Variants in ARHGEF12 observed in about 807,000 individuals in gnomAD.
ARHGEF12 encodes KMT2A/ARHGEF12 fusion protein.
Under a neutral mutation model 211.2 loss-of-function variants are expected in ARHGEF12, and 66 were observed. That is an observed-to-expected ratio of 0.31 (90% CI 0.26 to 0.38). The LOEUF (loss-of-function observed/expected upper bound fraction) is 0.38, where lower values mean the gene tolerates loss of function less well. Ranked by LOEUF, ARHGEF12 falls within the 10% of genes least tolerant of loss-of-function variation. ARHGEF12 has a pLI of 1.00. For synonymous variants in ARHGEF12, 592 were observed against 638.4 expected, an observed-to-expected ratio of 0.93 and a Z score of 1.09; for missense variants, 1,429 against 1,869.5, an observed-to-expected ratio of 0.76 and a Z score of 4.34.
At chr11:120,385,928 A>T (rs1198559998) in intron 1 of ARHGEF12, among the ~76,000 whole-genome samples, 1 of 152,096 alleles carries the variant, frequency 6.6e-6, no homozygotes, top group Non-Finnish European at 1.5e-5. Flanking sequence ...TTTGATACCC[A>T]AGAGACCATG....
chr11:120,418,506 G>T (rs1196550308), intron 4 of ARHGEF12, among the ~76,000 whole-genome samples: 1 of 152,154 alleles, frequency 6.6e-6, no homozygotes, highest in African/African-American at 2.4e-5. Context: ...TAAAACTGCT[G>T]TGAACATTTG....
chr11:120,423,121 A>C (rs1398077954), intron 6 of ARHGEF12, among the ~76,000 whole-genome samples: 1 of 152,182 alleles, frequency 6.6e-6, no homozygotes, highest in Non-Finnish European at 1.5e-5. Flanking sequence ...CAGTTCCCTA[A>C]AGTAACTGAA....
At chr11:120,352,082 A>C (rs1942996638) in intron 1 of ARHGEF12, among the ~76,000 whole-genome samples, 1 of 152,204 alleles carries the variant, frequency 6.6e-6, no homozygotes, top group South Asian at 2.1e-4. Flanking sequence ...ATACCATTAA[A>C]GAGTTGCCTT....
At chr11:120,392,702 C>T (rs1944257633) in intron 1 of ARHGEF12, among the ~76,000 whole-genome samples, 1 of 152,204 alleles carries the variant, frequency 6.6e-6, no homozygotes, top group South Asian at 2.1e-4. Flanking sequence ...CATCCTCATC[C>T]TAAACTAGTC....
chr11:120,448,166 T>C, intron 19 of ARHGEF12, 68 bp from the exon 20 acceptor site: 2 of 1,190,298 alleles, frequency 1.7e-6, no homozygotes, highest in African/African-American at 1.5e-5. Flanking sequence ...TGGAAATCAT[T>C]TGATGTCTTT....
chr11:120,437,517 CTTAA>C, intron 12 of ARHGEF12, 135 bp downstream of exon 12: 2 of 527,582 alleles, frequency 3.8e-6, no homozygotes, highest in Non-Finnish European at 6.1e-6. Context: ...ATTAAAGAAA[CTTAA>C]TAAAGATTTG....
intron 25 of ARHGEF12, chr11:120,458,957 T>A (rs1383336615): frequency 6.0e-6 from 2 of 332,156 alleles, no homozygotes; most frequent in African/African-American, 4.3e-5. Context: ...AAAAATAGTT[T>A]TGAATGATAT....
intron 1 of ARHGEF12, among the ~76,000 whole-genome samples, chr11:120,381,935 T>TG (rs1325024492): frequency 2.0e-5 from 3 of 152,274 alleles, no homozygotes; most frequent in East Asian, 3.9e-4. Flanking sequence ...GTAAAATACA[T>TG]GAAAAATCCA....
intron 5 of ARHGEF12, among the ~76,000 whole-genome samples, chr11:120,421,402 G>A (rs1945180556): frequency 6.9e-6 from 1 of 145,748 alleles, no homozygotes; most frequent in Non-Finnish European, 1.5e-5. Context: ...AGCAGCATTT[G>A]AATGTAAAGT....
intron 3 of ARHGEF12, chr11:120,408,315 A>G (rs1453575243): frequency 6.6e-6 from 1 of 152,270 alleles, no homozygotes; most frequent in East Asian, 1.9e-4. Context: ...TCTTCAGTCA[A>G]AAAGTATTCT....
chr11:120,433,229 C>T (rs753626307), intron 11 of ARHGEF12, among the ~76,000 whole-genome samples: 1 of 152,066 alleles, frequency 6.6e-6, no homozygotes, highest in East Asian at 1.9e-4. Flanking sequence ...TACCAGTAAT[C>T]GAAATATAAA....
chr11:120,389,669 C>A (rs1455131078), intron 1 of ARHGEF12, among the ~76,000 whole-genome samples: 2 of 152,128 alleles, frequency 1.3e-5, no homozygotes, highest in Non-Finnish European at 2.9e-5. Context: ...TTACTATAAT[C>A]ACCCTCCACT....
intron 38 of ARHGEF12, 72 bp downstream of exon 38, chr11:120,480,502 A>G: frequency 7.1e-7 from 1 of 1,415,288 alleles, no homozygotes; most frequent in Non-Finnish European, 9.6e-7. Context: ...TTTGAAATGG[A>G]TGTTGTATTG....
At chr11:120,435,277 C>T (rs1015744846) in intron 11 of ARHGEF12, among the ~76,000 whole-genome samples, 2 of 151,864 alleles carry the variant, frequency 1.3e-5, no homozygotes, top group African/African-American at 4.8e-5. Context: ...ATTATATTTT[C>T]ATGGTGTCGT....
chr11:120,444,305 T>C (rs1945977769), intron 15 of ARHGEF12, among the ~76,000 whole-genome samples: 1 of 152,090 alleles, frequency 6.6e-6, no homozygotes, highest in Non-Finnish European at 1.5e-5. Context: ...GTCAAAACTT[T>C]ACATTTTGCT....
intron 1 of ARHGEF12, among the ~76,000 whole-genome samples, chr11:120,355,221 T>C (rs904271806): frequency 6.6e-6 from 1 of 152,248 alleles, no homozygotes; most frequent in Non-Finnish European, 1.5e-5. Flanking sequence ...TTTATTTTTT[T>C]AAACGAGAAG....
At chr11:120,457,092 T>G (rs1336897906) in intron 22 of ARHGEF12, 26 bp from the exon 23 acceptor site, 10 of 1,612,010 alleles carry the variant, frequency 6.2e-6, no homozygotes, top group Non-Finnish European at 8.5e-6. Flanking sequence ...ATTAACACTC[T>G]TCAAATGTCT....
rs764771631 is a variant in ARHGEF12, at chr11:120,420,833, G to C, written c.280G>C (p.Val94Leu). 1 of 1,613,940 alleles carries C rather than the reference G, an allele frequency of 6.2e-7. No homozygotes were observed. The highest frequency in any genetic ancestry group is 1.1e-5 in the South Asian group (1 of 91,024). Residue 94 changes from valine (V) to leucine (L), a missense_variant, in exon 5 of 41, where the codon GTA becomes CTA. Val to Leu is a conservative substitution (Grantham distance 32). Around this residue, in one of 7 missense-constraint regions of ARHGEF12, gnomAD observed 60 missense variants for 121.0 expected, o/e 0.50. Coordinates refer to ENST00000397843, the MANE Select transcript of ARHGEF12 (RefSeq NM_015313.3). ...GGTCAGTGGAGACAATCCAGTCTTC[G>C]TACAGTCTGTCAAAGAAGGCAAGGC... ...LTVSGDNPVF[V>L]QSVKEDGAAM...
chr11:120,472,745 C>G (rs190949328), intron 30 of ARHGEF12, among the ~76,000 whole-genome samples: 1,751 of 152,026 alleles, frequency 0.012, 23 homozygotes, highest in African/African-American at 0.04. Flanking sequence ...AGCTCCGCCT[C>G]CCAGGTTTGC....
Sources: gnomAD v4.1 joint callset for allele counts (sites outside exome capture counted in the v4.1 genomes callset) on GRCh38, gnomAD v4.1.1 for gene constraint, gnomAD v4.1.1 regional missense constraint, MANE v1.5 for transcripts, NCBI Gene and HGNC (gene_info 2026-07-23, HGNC 2026-07-21) for gene names.